The following BCL7C variants were observed in gnomAD, a reference collection of about 807,000 sequenced individuals.
BCL7C encodes B-cell CLL/lymphoma 7 protein family member C.
BCL7C carries 8 observed loss-of-function variants against 26.2 expected under a neutral mutation model. The ratio of observed to expected loss-of-function variants is 0.30; its 90% confidence interval spans 0.18 to 0.55. The LOEUF (loss-of-function observed/expected upper bound fraction) is 0.55. Ranked by LOEUF, BCL7C falls within the 20% of genes least tolerant of loss-of-function variation. The pLI is 0.93. For missense variants in BCL7C, 262 were observed against 298.5 expected (o/e 0.88, Z 0.90); for synonymous variants, 90 against 116.5 (o/e 0.77, Z 1.47).
Position 30,868,334 on chromosome 16 carries a change from TCACCATG to T in BCL7C, c.528+20519_528+20525del, listed in dbSNP as rs2143021873. Among the ~76,000 whole-genome samples the T allele has an allele frequency of 2.0e-5, 3 of 148,672 alleles. No homozygotes were observed. In the South Asian group the frequency reaches 6.5e-4, roughly 32 times the overall value. On this transcript the variant is annotated intron_variant, in intron 5 of 5. Coordinates refer to the BCL7C transcript ENST00000380317. ...TTGTATTTTTAGTAGAGACAGGGTT[TCACCATG>T]TTAGCCAGGATGGTCTCCATCTCCT...
At chr16:30,869,661 A>G (rs1461433893) in intron 5 of BCL7C, among the ~76,000 whole-genome samples, 2 of 151,878 alleles carry the variant, frequency 1.3e-5, no homozygotes, top group Non-Finnish European at 2.9e-5. Flanking sequence ...ACAAGTGAGG[A>G]CAATCATGCC....
chr16:30,853,452 G>T (rs1473097981), intron 5 of BCL7C, among the ~76,000 whole-genome samples: 1 of 152,010 alleles, frequency 6.6e-6, no homozygotes, highest in Non-Finnish European at 1.5e-5. Context: ...ACATTCTTCT[G>T]GAATCCCTCC....
chr16:30,854,198 AGATATTGGGAT>A (rs1260794020), intron 5 of BCL7C, among the ~76,000 whole-genome samples: 1 of 152,238 alleles, frequency 6.6e-6, no homozygotes, highest in Non-Finnish European at 1.5e-5. Flanking sequence ...AACACCACTT[AGATATTGGGAT>A]GAATATCACC....
rs2055304463 is a variant in BCL7C at position 30,893,967 on chromosome 16, C to A, written c.-23G>T. ...CATGCTGGCGGGGCTGGGGCCGGGG[C>A]CGAGCCCGCGGCGGGGCCGCCTCCC... On this transcript the variant is annotated 5_prime_UTR_variant, in exon 1 of 6. Coordinates refer to ENST00000215115, the MANE Select transcript of BCL7C (RefSeq NM_004765.4). This position sits in a 1 kb window ranked among gnomAD's most constrained non-coding sequence, Gnocchi z 5.2. 7.6e-7 allele frequency: 1 copy of A among 1,317,328 alleles called. No individual in the cohort carries two copies. The highest frequency in any genetic ancestry group is 9.7e-7 in the Non-Finnish European group (1 of 1,028,030). The allele number at this position is 1,317,328 out of a possible 1,614,324, so 81.6% of individuals were successfully genotyped here.
chr16:30,837,377 C>T (rs557637685), intron 5 of BCL7C, among the ~76,000 whole-genome samples: 4 of 151,764 alleles, frequency 2.6e-5, no homozygotes, highest in East Asian at 3.9e-4. Context: ...TTTTTTGAGG[C>T]GGAGTTTTGC....
At chr16:30,851,752 C>A (rs914581850) in intron 5 of BCL7C, 2 of 510,686 alleles carry the variant, frequency 3.9e-6, no homozygotes, top group Non-Finnish European at 7.1e-6. Context: ...TGACCGTGAC[C>A]TTTTTTTGGT....
At chr16:30,860,972 C>T (rs780764891) in intron 5 of BCL7C, among the ~76,000 whole-genome samples, 6 of 152,028 alleles carry the variant, frequency 3.9e-5, no homozygotes, top group Non-Finnish European at 8.8e-5. Flanking sequence ...AGTTTTTTTC[C>T]GCGACTAGCC....
intron 4 of BCL7C, among the ~76,000 whole-genome samples, chr16:30,891,731 G>A (rs1331646749): frequency 6.6e-6 from 1 of 152,144 alleles, no homozygotes; most frequent in Non-Finnish European, 1.5e-5. Flanking sequence ...TTGGGAGGCT[G>A]AGACAGGAGG....
At chr16:30,844,243 G>A (rs1211390957) in intron 5 of BCL7C, among the ~76,000 whole-genome samples, 15 of 149,746 alleles carry the variant, frequency 1.0e-4, no homozygotes, top group Admixed American at 4.7e-4. Context: ...CCAGCTACTC[G>A]GGAGGCTGAG....
At chr16:30,877,038 C>T (rs762013311) in intron 5 of BCL7C, among the ~76,000 whole-genome samples, 4 of 152,052 alleles carry the variant, frequency 2.6e-5, no homozygotes, top group Admixed American at 6.5e-5. Context: ...AATGCCTGGC[C>T]GCAAAACTCA....
chr16:30,867,428 G>T (rs975537730), intron 5 of BCL7C, among the ~76,000 whole-genome samples: 2 of 152,118 alleles, frequency 1.3e-5, no homozygotes, highest in Non-Finnish European at 2.9e-5. Context: ...TAGTTTACAT[G>T]GTGAAGGGAT....
intron 5 of BCL7C, among the ~76,000 whole-genome samples, chr16:30,855,709 G>A (rs1245941710): frequency 6.6e-6 from 1 of 152,132 alleles, no homozygotes; most frequent in African/African-American, 2.4e-5. Flanking sequence ...AGGATCGCTT[G>A]AGCCCAGAAG....
At chr16:30,863,571 T>A (rs565603762) in intron 5 of BCL7C, among the ~76,000 whole-genome samples, 2 of 152,276 alleles carry the variant, frequency 1.3e-5, no homozygotes, top group East Asian at 3.9e-4. Context: ...AGGGCAACGC[T>A]TATGCTGATA....
At chr16:30,890,840 C>CG (rs1272866505) in intron 4 of BCL7C, among the ~76,000 whole-genome samples, 7 of 151,966 alleles carry the variant, frequency 4.6e-5, no homozygotes, top group Admixed American at 3.9e-4. Flanking sequence ...ACAAAATTAG[C>CG]GGGGCATGGT....
At chr16:30,891,713 C>T (rs1226026491) in intron 4 of BCL7C, among the ~76,000 whole-genome samples, 1 of 152,110 alleles carries the variant, frequency 6.6e-6, no homozygotes, top group African/African-American at 2.4e-5. Flanking sequence ...GCCTATAATC[C>T]CAGCACCTTG....
rs2055304463 is a variant in BCL7C at position 30,893,967 on chromosome 16, C to G, written c.-23G>C. ...CATGCTGGCGGGGCTGGGGCCGGGG[C>G]CGAGCCCGCGGCGGGGCCGCCTCCC... On this transcript the variant is annotated 5_prime_UTR_variant, in exon 1 of 6. Coordinates refer to ENST00000215115, the MANE Select transcript of BCL7C (RefSeq NM_004765.4). This position sits in a 1 kb window ranked among gnomAD's most constrained non-coding sequence, Gnocchi z 5.2. 18 of 1,317,328 alleles carry G rather than the reference C, an allele frequency of 1.4e-5. No individual in the cohort carries two copies. The highest frequency in any genetic ancestry group is 1.8e-5 in the Non-Finnish European group (18 of 1,028,030). The allele number at this position is 1,317,328 out of a possible 1,614,324, so 81.6% of individuals were successfully genotyped here. A position where few individuals can be genotyped will look rare whatever the true frequency, so the allele number is the denominator to read the frequency against.
intron 5 of BCL7C, among the ~76,000 whole-genome samples, chr16:30,880,403 A>T (rs2143085722): frequency 6.6e-6 from 1 of 151,998 alleles, no homozygotes; most frequent in Non-Finnish European, 1.5e-5. Flanking sequence ...CTGTCTTATT[A>T]AAAAAGTCAG....
At chr16:30,853,742 C>T (rs1429965325) in intron 5 of BCL7C, among the ~76,000 whole-genome samples, 3 of 152,066 alleles carry the variant, frequency 2.0e-5, no homozygotes, top group African/African-American at 7.2e-5. Flanking sequence ...TCTTTTTTCT[C>T]TTGCCTCTTC....
intron 5 of BCL7C, among the ~76,000 whole-genome samples, chr16:30,882,006 G>A (rs1226278088): frequency 6.6e-6 from 1 of 151,784 alleles, no homozygotes; most frequent in Non-Finnish European, 1.5e-5. Context: ...ACTCACCCAG[G>A]CTGGAGTGCA....
Sources: allele counts gnomAD v4.1 joint callset (sites outside exome capture counted in the v4.1 genomes callset), GRCh38; gene constraint gnomAD v4.1.1; non-coding constraint Gnocchi (gnomAD v3.1); transcripts MANE v1.5; gene names NCBI Gene and HGNC (gene_info 2026-07-23, HGNC 2026-07-21).